TNFRSF10A: variants seen among roughly 807,000 people sequenced by gnomAD.
TNFRSF10A encodes the protein tumor necrosis factor receptor superfamily member 10A.
TNFRSF10A carries 44 observed loss-of-function variants against 42.8 expected under a neutral mutation model. The observed-to-expected ratio is 1.03, with a 90% CI of 0.81 to 1.32. The LOEUF is 1.32. Among genes scored for constraint, TNFRSF10A ranks in the 40% most tolerant of loss-of-function variants. The pLI, the probability that TNFRSF10A is intolerant of heterozygous loss-of-function variation, is 0.00. For synonymous variants in TNFRSF10A, 259 were observed against 234.2 expected (o/e 1.11, Z -0.97); for missense variants, 680 against 602.0 (o/e 1.13, Z -1.36).
rs950875118 is a variant in TNFRSF10A at position 23,224,904 on chromosome 8, C to T, written c.158G>A (p.Gly53Glu). The T allele has an allele frequency of 3.8e-6, 6 of 1,595,198 alleles. No homozygotes were observed. The East Asian group carries it at 6.9e-5, about 18-fold the overall frequency. ...CTGTCCCATGGAGGTAGGGAGCGCT[C>T]CTCGGCCCCCGCCTCGTGGTTCAAT... The part of the protein sequence containing the change: ...GRIEPRGGGR[G>E]ALPTSMGQHG... The change falls in exon 1 of 10, where the codon GGA becomes GAA. Residue 53 changes from glycine (G) to glutamate (E), a missense_variant. Transcript: ENST00000221132.
rs377048930 is a variant in TNFRSF10A at position 23,201,852 on chromosome 8, G to T, written c.585C>A (p.Phe195Leu). The change falls in exon 4 of 10, where the codon TTC becomes TTA. Residue 195 changes from phenylalanine to leucine, a missense_variant. Coordinates refer to ENST00000221132, the MANE Select transcript of TNFRSF10A (RefSeq NM_003844.4). ...ACATCTCAGCAGAATTGTCATTCCG[G>T]AAAGTTCCTGGTTTGCACTGACATG... Reference protein sequence around the residue: ...NTACQCKPGTFRNDNSAEMCR... With the variant: ...NTACQCKPGTLRNDNSAEMCR... The T allele has an allele frequency of 3.6e-5, 58 of 1,614,186 alleles. No individual in the cohort carries two copies. Among genetic ancestry groups the T allele is most frequent in the Non-Finnish European group, 4.9e-5 (58 of 1,180,028 alleles).
chr8:23,212,439 C>T (rs904528878), intron 1 of TNFRSF10A, among the ~76,000 whole-genome samples: 2 of 152,238 alleles, frequency 1.3e-5, no homozygotes, highest in Admixed American at 1.3e-4. Flanking sequence ...AATTTAACTA[C>T]TCTACATACT....
chr8:23,207,900 GAA>G (rs71208593), intron 2 of TNFRSF10A, among the ~76,000 whole-genome samples: 132 of 124,962 alleles, frequency 1.1e-3, no homozygotes, highest in African/African-American at 3.4e-3. Flanking sequence ...TCAGCAGCAC[GAA>G]AAAAAAAAAA....
intron 1 of TNFRSF10A, among the ~76,000 whole-genome samples, chr8:23,219,966 C>T (rs1429276670): frequency 6.6e-6 from 1 of 152,160 alleles, no homozygotes; most frequent in African/African-American, 2.4e-5. Flanking sequence ...ACACACGTTC[C>T]CCCTCTGAGC....
intron 2 of TNFRSF10A, among the ~76,000 whole-genome samples, chr8:23,205,946 G>A (rs937402937): frequency 2.0e-5 from 3 of 152,044 alleles, no homozygotes; most frequent in African/African-American, 4.8e-5. Context: ...TCGATCTCCT[G>A]ACCTCGTGAT....
intron 9 of TNFRSF10A, among the ~76,000 whole-genome samples, chr8:23,196,008 C>A (rs1800818586): frequency 6.6e-6 from 1 of 152,126 alleles, no homozygotes; most frequent in African/African-American, 2.4e-5. Flanking sequence ...ATTGACCCTT[C>A]TGTTCTTAAA....
intron 1 of TNFRSF10A, among the ~76,000 whole-genome samples, chr8:23,224,216 C>T (rs1801297343): frequency 6.8e-6 from 1 of 147,472 alleles, no homozygotes; most frequent in African/African-American, 2.6e-5. Context: ...AGGAGAATCG[C>T]TTGAACCAGG....
At position 23,197,175 on chromosome 8, in the gene TNFRSF10A, C is replaced by A. The variant is rs773826012; in HGVS notation, c.1044G>T (p.Arg348Ser). 7 of 1,614,188 alleles carry A rather than the reference C, an allele frequency of 4.3e-6. No individual in the cohort carries two copies. Among genetic ancestry groups the A allele is most frequent in the Non-Finnish European group, 5.9e-6 (7 of 1,180,032 alleles). Residue 348 changes from arginine (R) to serine (S), a missense_variant, in exon 9 of 10, where the codon AGG becomes AGT. Physicochemically the swap from Arg to Ser is moderately radical, Grantham distance 110. Coordinates refer to ENST00000221132, the MANE Select transcript of TNFRSF10A (RefSeq NM_003844.4). ...LGPAEAEGSQ[R>S]RRLLVPANGA... Reference sequence around the variant, plus strand: ...CATTTGCTGGAACCAGCAGCCTCCTCCTCTGAGACCCTTCAGCTTCTGCCG... The same window carrying A: ...CATTTGCTGGAACCAGCAGCCTCCTACTCTGAGACCCTTCAGCTTCTGCCG...
At chr8:23,193,596 G>C (rs535732057) in intron 9 of TNFRSF10A, among the ~76,000 whole-genome samples, 1 of 152,214 alleles carries the variant, frequency 6.6e-6, no homozygotes, top group Admixed American at 6.5e-5. Flanking sequence ...TTCAGGGCAA[G>C]TGAGTGTCTT....
chr8:23,220,526 G>A (rs1490937874), intron 1 of TNFRSF10A, among the ~76,000 whole-genome samples: 1 of 152,122 alleles, frequency 6.6e-6, no homozygotes, highest in Non-Finnish European at 1.5e-5. Flanking sequence ...CTATAAACTA[G>A]GCAGATATAA....
rs1401308242 is a variant in TNFRSF10A, at chr8:23,219,382, G to A, written c.306+5374C>T. Among the ~76,000 whole-genome samples, 9 of 136,752 alleles carry A rather than the reference G, an allele frequency of 6.6e-5. No individual in the cohort carries two copies. In the South Asian group the frequency reaches 7.4e-4, roughly 11 times the overall value. The allele number at this position is 136,752 out of a possible 152,430, so 89.7% of individuals were successfully genotyped here. A position where few individuals can be genotyped will look rare whatever the true frequency, so the allele number is the denominator to read the frequency against. On this transcript the variant is annotated intron_variant, in intron 1 of 9. Transcript: ENST00000221132. ...CAGGGATGGGACCCCGAAGAGTCCT[G>A]TGGACTCTGCTAAGGAACCCTAGGA...
At chr8:23,210,382 C>T (rs1322733660) in intron 2 of TNFRSF10A, among the ~76,000 whole-genome samples, 1 of 152,026 alleles carries the variant, frequency 6.6e-6, no homozygotes, top group African/African-American at 2.4e-5. Flanking sequence ...AATCCACAAG[C>T]ATACAAAAAG....
intron 2 of TNFRSF10A, among the ~76,000 whole-genome samples, chr8:23,208,167 T>C (rs1194073076): frequency 1.3e-5 from 2 of 152,134 alleles, no homozygotes; most frequent in Non-Finnish European, 2.9e-5. Flanking sequence ...GAGGAACTTA[T>C]TGGGAACTGG....
chr8:23,202,731 C>G lies in TNFRSF10A; in HGVS notation c.434G>C (p.Cys145Ser). ...GSHRSEHPGA[C>S]NRCTEGVGYT... ...ACCCACACCCTCTGTGCACCGGTTA[C>G]AGGCTCCAGGATGTTCTGATCTATG... is the stretch of plus-strand genomic sequence containing the variant. Residue 145 changes from cysteine to serine, a missense_variant, in exon 3 of 10, where the codon TGT (cysteine) becomes TCT (serine). Coordinates refer to ENST00000221132, the MANE Select transcript of TNFRSF10A (RefSeq NM_003844.4). 2 of 1,613,962 alleles carry G rather than the reference C, an allele frequency of 1.2e-6. No homozygotes were observed. Among genetic ancestry groups the G allele is most frequent in the Non-Finnish European group, 8.5e-7 (1 of 1,179,876 alleles).
At position 23,191,776 on chromosome 8, in the gene TNFRSF10A, TC is replaced by T. The variant is rs1800757037; in HGVS notation, c.1324del (p.Glu442ArgfsTer16). 14 of 1,614,178 alleles carry T rather than the reference TC, an allele frequency of 8.7e-6. No homozygotes were observed. The South Asian group carries it at 1.5e-4, about 18-fold the overall frequency. On this transcript the variant is annotated frameshift_variant, in exon 10 of 10. Coordinates refer to ENST00000221132, the MANE Select transcript of TNFRSF10A (RefSeq NM_003844.4). LOFTEE classifies it low-confidence loss of function (END_TRUNC). ...LERMEERHAR[E>X]KIQDLLVDSG... ...GTCCACCAAGAGGTCCTGAATCTTCTCTCTTGCATGTCTCTCTTCCATCCTC... is the reference window on the plus strand; with the variant it reads ...GTCCACCAAGAGGTCCTGAATCTTCTTCTTGCATGTCTCTCTTCCATCCTC...
intron 1 of TNFRSF10A, among the ~76,000 whole-genome samples, chr8:23,223,985 G>A (rs759180536): frequency 5.3e-5 from 8 of 152,216 alleles, no homozygotes; most frequent in Non-Finnish European, 1.0e-4. Context: ...AGGAGAGAAA[G>A]TTACTTTTTC....
At chr8:23,197,058 C>A in intron 9 of TNFRSF10A, 74 bp downstream of exon 9, 1 of 1,590,108 alleles carries the variant, frequency 6.3e-7, no homozygotes, top group Non-Finnish European at 8.6e-7. Context: ...GCACTCTCAG[C>A]AATGGGGACA....
chr8:23,192,165 A>C, intron 9 of TNFRSF10A, 152 bp from the exon 10 acceptor site: 7 of 1,380,004 alleles, frequency 5.1e-6, no homozygotes, highest in Non-Finnish European at 5.8e-6. Context: ...CCCACCTCCC[A>C]TCCACAGAGA....
Position 23,199,907 on chromosome 8 carries a change from C to G in TNFRSF10A, c.810G>C (p.Gly270=). ...VCCCIGSGCG[G]DPKCMDRVCF... is the part of the protein sequence containing the mutation. ...TCACCCTGTCCATGCACTTGGGGTC[C>G]CCTCCACAACCTAGAAGAGAAGACG... The change falls in exon 7 of 10, where the codon GGG becomes GGC. Residue 270 remains glycine, a synonymous_variant. Coordinates refer to ENST00000221132, the MANE Select transcript of TNFRSF10A (RefSeq NM_003844.4). 6.2e-7 allele frequency: 1 copy of G among 1,614,088 alleles called. No homozygotes were observed. The highest frequency in any genetic ancestry group is 1.7e-5 in the Admixed American group (1 of 60,010).
Sources: allele counts gnomAD v4.1 joint callset (sites outside exome capture counted in the v4.1 genomes callset), GRCh38; gene constraint gnomAD v4.1.1; transcripts MANE v1.5; gene names NCBI Gene and HGNC (gene_info 2026-07-23, HGNC 2026-07-21).